The following LRRIQ1 variants were observed in gnomAD, a reference collection of about 807,000 sequenced individuals.
LRRIQ1 encodes leucine rich repeats and IQ motif containing 1.
A neutral mutation model predicts 211.9 loss-of-function variants in LRRIQ1; 210 were observed. The ratio of observed to expected loss-of-function variants is 0.99; its 90% CI spans 0.89 to 1.11. The LOEUF is 1.11. Among genes scored for constraint, LRRIQ1 ranks in the 50% most tolerant of loss-of-function variants. The pLI is 0.00. For synonymous variants in LRRIQ1, 699 were observed against 650.1 expected (o/e 1.08, Z -1.14); for missense variants, 2,136 against 1,939.5 (o/e 1.10, Z -1.90).
At chr12:85,157,922 A>G (rs996841421) in intron 23 of LRRIQ1, among the ~76,000 whole-genome samples, 12 of 151,940 alleles carry the variant, frequency 7.9e-5, no homozygotes, top group African/African-American at 2.4e-4. Context: ...GGGCTATAGC[A>G]AAGCCATCAG....
intron 26 of LRRIQ1, among the ~76,000 whole-genome samples, chr12:85,242,068 A>C (rs558298077): frequency 2.2e-4 from 33 of 152,160 alleles, no homozygotes; most frequent in African/African-American, 7.9e-4. Context: ...CCGTTCCAAA[A>C]ACAAAGACCT....
At chr12:85,207,771 T>C (rs868175198) in intron 24 of LRRIQ1, among the ~76,000 whole-genome samples, 7 of 152,172 alleles carry the variant, frequency 4.6e-5, no homozygotes, top group Admixed American at 1.3e-4. Flanking sequence ...TCCGACATCA[T>C]TTGATGAAAA....
Position 85,244,788 on chromosome 12 carries a change from G to A in LRRIQ1, c.5017-1G>A, listed in dbSNP as rs1218660881. The stretch of plus-strand genomic sequence containing the variant: ...TATACATTCTCTTCCATTGCTCCCA[G>A]GCAAGACTTGTAAGCAGAGAAGACA... On this transcript the variant is annotated splice_acceptor_variant, in intron 26 of 26. Coordinates refer to ENST00000393217, the MANE Select transcript of LRRIQ1 (RefSeq NM_001079910.2). LOFTEE classifies it high-confidence loss of function. 1 of 1,610,574 alleles carries A rather than the reference G, an allele frequency of 6.2e-7. No individual in the cohort carries two copies. Among genetic ancestry groups the A allele is most frequent in the African/African-American group, 1.3e-5 (1 of 74,642 alleles).
intron 24 of LRRIQ1, chr12:85,162,894 A>C (rs1890966035): frequency 2.5e-6 from 1 of 406,002 alleles, no homozygotes. Context: ...TTGTTTGTTT[A>C]GGAATAGGCT....
At chr12:85,134,464 T>C (rs1260350320) in intron 18 of LRRIQ1, among the ~76,000 whole-genome samples, 1 of 152,088 alleles carries the variant, frequency 6.6e-6, no homozygotes, top group Non-Finnish European at 1.5e-5. Flanking sequence ...GATTTTTTTG[T>C]CTGTTTTAGT....
At chr12:85,256,484 A>T (rs145140939) in intron 1 of LRRIQ1, among the ~76,000 whole-genome samples, 1 of 151,834 alleles carries the variant, frequency 6.6e-6, no homozygotes, top group Non-Finnish European at 1.5e-5. Flanking sequence ...GGAGTGAAAT[A>T]ACATAATAAA....
chr12:85,086,775 T>G (rs1444001581), intron 11 of LRRIQ1, among the ~76,000 whole-genome samples: 1 of 151,972 alleles, frequency 6.6e-6, no homozygotes, highest in East Asian at 1.9e-4. Flanking sequence ...GACAGAGTGT[T>G]ATAGAAACAA....
At chr12:85,214,961 A>G (rs896201602) in intron 24 of LRRIQ1, among the ~76,000 whole-genome samples, 1 of 152,180 alleles carries the variant, frequency 6.6e-6, no homozygotes, top group African/African-American at 2.4e-5. Context: ...CACATCCAGT[A>G]TAAATAATTC....
intron 8 of LRRIQ1, among the ~76,000 whole-genome samples, chr12:85,063,287 A>G (rs949530715): frequency 6.6e-6 from 1 of 151,622 alleles, no homozygotes; most frequent in African/African-American, 2.4e-5. Flanking sequence ...GGTGACATAA[A>G]GAAGGGTATT....
At chr12:85,166,877 T>A (rs2136777027) in intron 24 of LRRIQ1, among the ~76,000 whole-genome samples, 1 of 152,348 alleles carries the variant, frequency 6.6e-6, no homozygotes, top group Admixed American at 6.5e-5. Context: ...ATATTTTGAA[T>A]TACTGTTTTC....
chr12:85,123,924 A>T (rs918880641), intron 16 of LRRIQ1, 146 bp from the exon 17 acceptor site: 3 of 610,790 alleles, frequency 4.9e-6, no homozygotes, highest in Non-Finnish European at 8.4e-6. Context: ...ATTTTTATAT[A>T]AACAACTAGA....
chr12:85,255,243 G>C (rs1310350892), intron 1 of LRRIQ1, among the ~76,000 whole-genome samples: 5 of 151,864 alleles, frequency 3.3e-5, no homozygotes, highest in African/African-American at 9.6e-5. Context: ...TTTAAAATAT[G>C]TGAATTACAG....
Position 85,038,253 on chromosome 12 carries a change from A to G in LRRIQ1, c.77A>G (p.Lys26Arg), listed in dbSNP as rs2135853259. 1 of 1,588,542 alleles carries G rather than the reference A, an allele frequency of 6.3e-7. No individual in the cohort carries two copies. Among genetic ancestry groups the G allele is most frequent in the Non-Finnish European group, 8.6e-7 (1 of 1,165,894 alleles). Residue 26 changes from lysine (K) to arginine (R), a missense_variant, in exon 2 of 27, where the codon AAA (lysine) becomes AGA (arginine). Coordinates refer to ENST00000393217, the MANE Select transcript of LRRIQ1 (RefSeq NM_001079910.2). ...LDKLSISSLE[K>R]EDIESDAKSE... Reference sequence around the variant, plus strand: ...AAACTCAGCATTTCCTCCTTGGAAAAAGAAGACATTGAGAGTGATGCAAAA... The same window carrying G: ...AAACTCAGCATTTCCTCCTTGGAAAGAGAAGACATTGAGAGTGATGCAAAA...
At chr12:85,100,950 T>C (rs1886303737) in intron 13 of LRRIQ1, among the ~76,000 whole-genome samples, 1 of 151,838 alleles carries the variant, frequency 6.6e-6, no homozygotes, top group Non-Finnish European at 1.5e-5. Context: ...TTAGGTTTGA[T>C]AAAACCAAAT....
In LRRIQ1 at chr12:85,229,655, G is replaced by A; in HGVS notation, c.4955+6G>A. ...AGTTCCAGAAATATGAAATGGTGAG[G>A]TCATTTCCTCTAAATTAGATTTTTG... On this transcript the variant is annotated splice_donor_region_variant and intron_variant, in intron 25 of 26. Transcript: ENST00000393217. 1.2e-6 allele frequency: 2 copies of A among 1,605,738 alleles called. No homozygotes were observed. The highest frequency in any genetic ancestry group is 1.7e-6 in the Non-Finnish European group (2 of 1,177,530).
chr12:85,127,940 T>G lies in LRRIQ1; in HGVS notation c.4116T>G (p.Ser1372=). Residue 1372 remains serine (S), a synonymous_variant, in exon 18 of 27, where the codon TCT becomes TCG. Transcript: ENST00000393217. ...HTAATEGLPN[S]SIKNQTILKK... is the part of the protein sequence containing the mutation. ...CTGCAACAGAAGGCCTGCCAAATTC[T>G]TCCATCAAGAATCAGACTATTTTAA... The G allele has an allele frequency of 6.2e-7, 1 of 1,613,878 alleles. No individual in the cohort carries two copies. Among genetic ancestry groups the G allele is most frequent in the South Asian group, 1.1e-5 (1 of 91,064 alleles).
chr12:85,179,462 A>G (rs1005981137), intron 24 of LRRIQ1, among the ~76,000 whole-genome samples: 40 of 152,122 alleles, frequency 2.6e-4, no homozygotes, highest in African/African-American at 9.4e-4. Flanking sequence ...TACTATTACA[A>G]TATTGTGATT....
At chr12:85,244,662 T>C (rs1461090721) in intron 26 of LRRIQ1, 127 bp from the exon 27 acceptor site, 40 of 814,504 alleles carry the variant, frequency 4.9e-5, no homozygotes, top group Non-Finnish European at 7.7e-5. Flanking sequence ...CAATAAAGGA[T>C]TGTGGTATCA....
chr12:85,128,521 G>A (rs1042628256), intron 18 of LRRIQ1, among the ~76,000 whole-genome samples: 54 of 152,044 alleles, frequency 3.6e-4, no homozygotes, highest in African/African-American at 1.3e-3. Flanking sequence ...GATTGCTTGA[G>A]CTCAGAAGTG....
Sources: gnomAD v4.1 joint callset for allele counts (sites outside exome capture counted in the v4.1 genomes callset) on GRCh38, gnomAD v4.1.1 for gene constraint, MANE v1.5 for transcripts, NCBI Gene and HGNC (gene_info 2026-07-23, HGNC 2026-07-21) for gene names.